Variants in MTMR8 observed in about 807,000 individuals in gnomAD.
The protein encoded by MTMR8 is phosphatidylinositol-3,5-bisphosphate 3-phosphatase MTMR8.
Under a neutral mutation model 39.3 loss-of-function variants are expected in MTMR8, and 65 were observed. The observed-to-expected ratio is 1.65, with a 90% CI of 1.35 to 2.03. MTMR8 has a LOEUF of 2.03. Ranked by LOEUF, MTMR8 falls within the 30% of genes most tolerant of loss-of-function variation. The pLI is 0.00. For missense variants in MTMR8, 777 were observed against 538.9 expected, an observed-to-expected ratio of 1.44 and a Z score of -4.37; for synonymous variants, 245 against 185.2, an observed-to-expected ratio of 1.32 and a Z score of -2.62.
chrX:64,301,429 A>C (rs1921870572), intron 12 of MTMR8, among the ~76,000 whole-genome samples: 1 of 104,538 alleles, frequency 9.6e-6, no homozygotes, highest in African/African-American at 3.5e-5. Flanking sequence ...CAGCTCCATC[A>C]GCTCCTTTAA....
Position 64,391,958 on chromosome X carries a change from C to T in MTMR8, c.24+3382G>A, listed in dbSNP as rs1924700746. On this transcript the variant is annotated intron_variant, in intron 1 of 13. Transcript: ENST00000374852. Reference sequence around the variant, plus strand: ...TGCATAAAGCCTTATTATTAAGGTTCCATTCCAGGAAAGAAAAGTAATTAA... The same window carrying T: ...TGCATAAAGCCTTATTATTAAGGTTTCATTCCAGGAAAGAAAAGTAATTAA... Among the ~76,000 whole-genome samples the T allele has an allele frequency of 3.6e-5, 4 of 111,771 alleles. No individual in the cohort carries two copies. In the South Asian group the frequency reaches 1.1e-3, roughly 31 times the overall value.
At position 64,302,538 on chromosome X, in the gene MTMR8, C is replaced by A. The variant is rs375845288; in HGVS notation, c.1481+26234G>T. ...AATCACCCGTCTTATGCGTCGCTCA[C>A]GCTGGGAGCTGTAGACCGGAGCTGT... On this transcript the variant is annotated intron_variant, in intron 12 of 13. Coordinates refer to ENST00000374852, the MANE Select transcript of MTMR8 (RefSeq NM_017677.4). Among the ~76,000 whole-genome samples the A allele has an allele frequency of 8.9e-5, 10 of 112,186 alleles. No homozygotes were observed. In the East Asian group the frequency reaches 2.3e-3, roughly 25 times the overall value.
chrX:64,339,384 G>A (rs1311218539), intron 8 of MTMR8, among the ~76,000 whole-genome samples: 1 of 111,201 alleles, frequency 9.0e-6, no homozygotes, highest in Non-Finnish European at 1.9e-5. Context: ...ACAACAGAGA[G>A]GTCAAAATAG....
chrX:64,321,582 TAGA>T (rs1324961796), intron 12 of MTMR8, among the ~76,000 whole-genome samples: 2 of 111,534 alleles, frequency 1.8e-5, no homozygotes, highest in African/African-American at 6.5e-5. Flanking sequence ...CAGGGTCCTG[TAGA>T]AGATTAGTAA....
chrX:64,392,647 T>A lies in MTMR8; in HGVS notation c.24+2693A>T, dbSNP rs1328855097. Among the ~76,000 whole-genome samples the A allele has an allele frequency of 2.7e-5, 3 of 111,018 alleles. No individual in the cohort carries two copies. In the Admixed American group the frequency reaches 2.9e-4, roughly 11 times the overall value. On this transcript the variant is annotated intron_variant, in intron 1 of 13. Coordinates refer to ENST00000374852, the MANE Select transcript of MTMR8 (RefSeq NM_017677.4). Reference sequence around the variant, plus strand: ...TCTCAGTAGCGGTTGCACAGGTGTGTCCAGTTTTTAAGTTTATAGCACAAT... The same window carrying A: ...TCTCAGTAGCGGTTGCACAGGTGTGACCAGTTTTTAAGTTTATAGCACAAT...
At position 64,313,959 on chromosome X, in the gene MTMR8, T is replaced by C. The variant is rs11798790; in HGVS notation, c.1481+14813A>G. Among the ~76,000 whole-genome samples the C allele has an allele frequency of 4.1e-4, 46 of 112,240 alleles. No homozygotes were observed. In the South Asian group the frequency reaches 7.0e-3, roughly 17 times the overall value. ...CTGTCCTTTGGATGTTTTTAAATTT[T>C]ATTCTATTTGAGGACCTTGGGGTTT... On this transcript the variant is annotated intron_variant, in intron 12 of 13. Transcript: ENST00000374852.
intron 1 of MTMR8, among the ~76,000 whole-genome samples, chrX:64,394,903 G>A (rs1924781791): frequency 8.9e-6 from 1 of 112,481 alleles, no homozygotes. Flanking sequence ...AGTGGCTGGA[G>A]GAGCCAAGAG....
intron 8 of MTMR8, among the ~76,000 whole-genome samples, chrX:64,341,059 G>A (rs1249266365): frequency 6.2e-5 from 7 of 112,336 alleles, no homozygotes; most frequent in Admixed American, 1.9e-4. Flanking sequence ...CTGCATTAGC[G>A]AAAAATTAGA....
At chrX:64,379,819 ATAAT>A (rs1418986620) in intron 1 of MTMR8, among the ~76,000 whole-genome samples, 4 of 111,965 alleles carry the variant, frequency 3.6e-5, no homozygotes, top group African/African-American at 1.3e-4. Context: ...ATGTATAAAA[ATAAT>A]TATACACTAC....
At chrX:64,314,856 G>A (rs1922418518) in intron 12 of MTMR8, among the ~76,000 whole-genome samples, 1 of 111,539 alleles carries the variant, frequency 9.0e-6, no homozygotes. Context: ...CAGTCCACCA[G>A]CTCAGAAGCT....
intron 1 of MTMR8, among the ~76,000 whole-genome samples, chrX:64,364,683 C>A (rs759355663): frequency 6.1e-4 from 68 of 111,665 alleles, no homozygotes; most frequent in African/African-American, 2.2e-3. Flanking sequence ...GCTAAAAATT[C>A]TAAAAACCAG....
chrX:64,343,630 G>A lies in MTMR8; in HGVS notation c.956C>T (p.Ala319Val). The change falls in exon 8 of 14, where the codon GCT becomes GTT. Residue 319 changes from alanine (A) to valine (V), a missense_variant. Coordinates refer to ENST00000374852, the MANE Select transcript of MTMR8 (RefSeq NM_017677.4). Reference sequence around the variant, plus strand: ...TATTACCTTTGTAATGAAAATTCCAGCATCCATAATAGCTTTAATGTGTCT... The same window carrying A: ...TATTACCTTTGTAATGAAAATTCCAACATCCATAATAGCTTTAATGTGTCT... ...WLRHIKAIMDAGIFITKAVKV... is the reference protein window; with the variant it reads ...WLRHIKAIMDVGIFITKAVKV... 1 of 1,196,553 alleles carries A rather than the reference G, an allele frequency of 8.4e-7. No individual in the cohort carries two copies. The highest frequency in any genetic ancestry group is 1.1e-6 in the Non-Finnish European group (1 of 883,074).
intron 12 of MTMR8, among the ~76,000 whole-genome samples, chrX:64,322,562 T>C (rs1449999559): frequency 8.9e-6 from 1 of 111,892 alleles, no homozygotes; most frequent in Non-Finnish European, 1.9e-5. Context: ...CTTTCTATTA[T>C]GGTTTCAATT....
chrX:64,394,015 CA>C (rs1485718923), intron 1 of MTMR8, among the ~76,000 whole-genome samples: 4 of 111,938 alleles, frequency 3.6e-5, no homozygotes, highest in African/African-American at 1.3e-4. Flanking sequence ...GGCAATTTAC[CA>C]AAGAGGTTTA....
At chrX:64,300,327 T>A (rs1921808842) in intron 12 of MTMR8, among the ~76,000 whole-genome samples, 1 of 111,841 alleles carries the variant, frequency 8.9e-6, no homozygotes, top group Non-Finnish European at 1.9e-5. Context: ...CCCTTTACCA[T>A]TATGTAATGG....
At chrX:64,334,474 T>C (rs891800048) in intron 10 of MTMR8, among the ~76,000 whole-genome samples, 1 of 107,828 alleles carries the variant, frequency 9.3e-6, no homozygotes, top group African/African-American at 3.4e-5. Context: ...CAGAGGGATA[T>C]TTGTAAAATA....
At chrX:64,294,544 G>A (rs1921502006) in intron 12 of MTMR8, among the ~76,000 whole-genome samples, 1 of 111,708 alleles carries the variant, frequency 9.0e-6, no homozygotes, top group Admixed American at 9.5e-5. Flanking sequence ...TCAATGAGAG[G>A]GGATGGTATC....
At chrX:64,301,460 T>C (rs1921871646) in intron 12 of MTMR8, among the ~76,000 whole-genome samples, 1 of 105,838 alleles carries the variant, frequency 9.4e-6, no homozygotes, top group Non-Finnish European at 2.0e-5. Flanking sequence ...GTATTGGTTA[T>C]TCTAGTTATA....
At position 64,268,845 on chromosome X, in the gene MTMR8, T is replaced by C. The variant is rs1472279762; in HGVS notation, c.1807A>G (p.Ser603Gly). 2.5e-6 allele frequency: 3 copies of C among 1,211,811 alleles called. No homozygotes were observed. Among genetic ancestry groups the C allele is most frequent in the South Asian group, 1.8e-5 (1 of 56,963 alleles). ...TTATGGTGGAGGTCTGCACCCTGGC[T>C]TTTTACTTGATCCATCTGAGCTCGG... Reference protein sequence around the residue: ...GLRAQMDQVKSQGADLHHNCC... With the variant: ...GLRAQMDQVKGQGADLHHNCC... Residue 603 changes from serine (S) to glycine (G), a missense_variant, in exon 14 of 14, where the codon AGC (serine) becomes GGC (glycine). Coordinates refer to ENST00000374852, the MANE Select transcript of MTMR8 (RefSeq NM_017677.4).
Sources: gnomAD v4.1 joint callset for allele counts (sites outside exome capture counted in the v4.1 genomes callset) on GRCh38, gnomAD v4.1.1 for gene constraint, MANE v1.5 for transcripts, NCBI Gene and HGNC (gene_info 2026-07-23, HGNC 2026-07-21) for gene names.